Variants in KMT2D observed in about 807,000 individuals in gnomAD.
KMT2D encodes histone-lysine N-methyltransferase 2D.
A neutral mutation model predicts 512.7 loss-of-function variants in KMT2D; 55 were observed. The observed-to-expected ratio is 0.11, with a 90% CI of 0.09 to 0.13. The LOEUF (loss-of-function observed/expected upper bound fraction) is 0.13. Ranked by LOEUF, KMT2D falls within the 10% of genes least tolerant of loss-of-function variation. The probability of loss-of-function intolerance (pLI) is 1.00; values close to 1 mark genes in which losing one functional copy is unlikely to be tolerated. For missense variants in KMT2D, 6,061 were observed against 7,127.9 expected (o/e 0.85, Z 5.39); for synonymous variants, 2,995 against 2,904.0 (o/e 1.03, Z -1.01).
In KMT2D at chr12:49,030,235, C is replaced by G. The variant is rs758611996; in HGVS notation, c.13999+45G>C. 5.8e-6 allele frequency: 9 copies of G among 1,541,422 alleles called. 1 individual carries two copies. The South Asian group carries it at 9.4e-5, about 16-fold the overall frequency. ...TACAGCATACTAACTGGTTTGGACT[C>G]CAGCTACCAAACTCCACCAGGGGTG... On this transcript the variant is annotated intron_variant, in intron 43 of 54. Transcript: ENST00000301067.
Position 49,041,188 on chromosome 12 carries a change from G to A in KMT2D, c.6582C>T (p.Pro2194=). Residue 2194 remains proline (P), a synonymous_variant, in exon 32 of 55, where the codon CCC becomes CCT. Coordinates refer to ENST00000301067, the MANE Select transcript of KMT2D (RefSeq NM_003482.4). The surrounding 1 kb of genome is among the most constrained non-coding windows in gnomAD (Gnocchi z 5.4). ...PLEPRFPTAP[P]TYPPYPSPTG... is the part of the protein sequence containing the mutation. The stretch of plus-strand genomic sequence containing the variant: ...TAGGACTAGGATAGGGGGGATAGGT[G>A]GGCGGTGCCGTGGGGAAGCGGGGCT... 6.6e-7 allele frequency: 1 copy of A among 1,515,880 alleles called. No homozygotes were observed. The highest frequency in any genetic ancestry group is 8.8e-7 in the Non-Finnish European group (1 of 1,134,510). The allele number at this position is 1,515,880 out of a possible 1,614,324, so 93.9% of individuals were successfully genotyped here. A position where few individuals can be genotyped will look rare whatever the true frequency, so the allele number is the denominator to read the frequency against.
intron 19 of KMT2D, 127 bp from the exon 20 acceptor site, chr12:49,045,092 C>T: frequency 1.2e-6 from 1 of 852,774 alleles, no homozygotes; most frequent in Non-Finnish European, 1.9e-6. Context: ...GGTCTAAATG[C>T]TGAGGAGAAC....
intron 1 of KMT2D, among the ~76,000 whole-genome samples, chr12:49,058,217 C>T (rs1938527156): frequency 6.6e-6 from 1 of 152,120 alleles, no homozygotes; most frequent in Non-Finnish European, 1.5e-5. Context: ...CCTGGCTCAT[C>T]CTGAGAGCAG....
rs201336660 is a variant in KMT2D at position 49,039,515 on chromosome 12, G to A, written c.8149C>T (p.Pro2717Ser). The change falls in exon 33 of 55, where the codon CCA becomes TCA. Residue 2717 changes from proline to serine, a missense_variant. This residue lies in a region of KMT2D where 527 missense variants were observed against 578.9 expected (regional missense o/e 0.91). Transcript: ENST00000301067. The surrounding 1 kb of genome is among the most constrained non-coding windows in gnomAD (Gnocchi z 5.0). ...CTGGGCTCAGCACCCCAGCTGCCTGGAGGCCCCACTGCTCCTGCAGCTGCT... is the reference window on the plus strand; with the variant it reads ...CTGGGCTCAGCACCCCAGCTGCCTGAAGGCCCCACTGCTCCTGCAGCTGCT... ...AAAAAGAVGP[P>S]GSWGAEPSSP... The A allele has an allele frequency of 2.7e-4, 436 of 1,612,222 alleles. No individual in the cohort carries two copies. The African/African-American group carries it at 5.1e-3, about 19-fold the overall frequency.
rs2120403338 is a variant in KMT2D, at chr12:49,030,384, GGGGGT to G, written c.13890_13894del (p.Pro4631IlefsTer14). 2.0e-5 allele frequency: 32 copies of G among 1,597,828 alleles called. No homozygotes were observed. Among genetic ancestry groups the G allele is most frequent in the Non-Finnish European group, 2.6e-5 (30 of 1,170,184 alleles). ...ATTCACCATCTTCTGCTGCACCGAT[GGGGGT>G]GGGGTGGGGGGCAGCGACGAGGGTG... is the stretch of plus-strand genomic sequence containing the variant. On this transcript the variant is annotated frameshift_variant, in exon 43 of 55. Coordinates refer to ENST00000301067, the MANE Select transcript of KMT2D (RefSeq NM_003482.4). LOFTEE classifies it high-confidence loss of function.
Position 49,052,049 on chromosome 12 carries a change from A to G in KMT2D, c.1634T>C (p.Leu545Pro). 1 of 1,612,240 alleles carries G rather than the reference A, an allele frequency of 6.2e-7. No individual in the cohort carries two copies. The highest frequency in any genetic ancestry group is 8.5e-7 in the Non-Finnish European group (1 of 1,179,394). The change falls in exon 11 of 55, where the codon CTG (leucine) becomes CCG (proline). Residue 545 changes from leucine (L) to proline (P), a missense_variant. Leu to Pro is a moderately conservative substitution (Grantham distance 98). This residue lies in a region of KMT2D where 848 missense variants were observed against 838.5 expected (regional missense o/e 1.01). Coordinates refer to ENST00000301067, the MANE Select transcript of KMT2D (RefSeq NM_003482.4). ...AGGAGATTCTTCAAATGGTGGGGAC[A>G]GGGGCGATGCTTCAGGTGGTGGGGA... ...PLSPPPEASP[L>P]SPPFEESPLS...
Position 49,054,246 on chromosome 12 carries a change from T to C in KMT2D, c.510+61A>G, listed in dbSNP as rs1938263955. On this transcript the variant is annotated intron_variant, in intron 5 of 54. Coordinates refer to ENST00000301067, the MANE Select transcript of KMT2D (RefSeq NM_003482.4). The surrounding 1 kb of genome is among the most constrained non-coding windows in gnomAD (Gnocchi z 6.4). ...ACCCATGGTCCTTCTCATTCCAACC[T>C]GACTCTCAGAAGCCCACCAGCCCTG... The C allele has an allele frequency of 1.3e-6, 2 of 1,539,264 alleles. No individual in the cohort carries two copies. Among genetic ancestry groups the C allele is most frequent in the Middle Eastern group, 2.0e-4 (1 of 5,128 alleles).
At position 49,054,638 on chromosome 12, in the gene KMT2D, A is replaced by G. The variant is rs1432323879; in HGVS notation, c.290T>C (p.Val97Ala). ...GGGCCCTGGGCTCCCCCCAGGGGAC[A>G]CCACTGGACACCGGGGCCAATCAAA... ...LPFDWPRCPVVSPGGSPGPNE... is the reference protein window; with the variant it reads ...LPFDWPRCPVASPGGSPGPNE... The change falls in exon 4 of 55, where the codon GTG becomes GCG. Residue 97 changes from valine to alanine, a missense_variant. Val to Ala is a moderately conservative substitution (Grantham distance 64). Around this residue, in one of 16 missense-constraint regions of KMT2D, gnomAD observed 144 missense variants for 165.7 expected, o/e 0.87. Coordinates refer to ENST00000301067, the MANE Select transcript of KMT2D (RefSeq NM_003482.4). The surrounding 1 kb of genome is among the most constrained non-coding windows in gnomAD (Gnocchi z 6.4). 1.9e-6 allele frequency: 3 copies of G among 1,613,008 alleles called. No homozygotes were observed.
chr12:49,042,579 G>A lies in KMT2D; in HGVS notation c.5849C>T (p.Ser1950Phe), dbSNP rs1943592771. Residue 1950 changes from serine (S) to phenylalanine (F), a missense_variant, in exon 28 of 55, where the codon TCC (serine) becomes TTC (phenylalanine). Physicochemically the swap from Ser to Phe is radical, Grantham distance 155. Transcript: ENST00000301067. This position sits in a 1 kb window ranked among gnomAD's most constrained non-coding sequence, Gnocchi z 4.4. ...CACCAACCTAGAATCCAGGAACGGGGACTGGCAGAGGCCTGGGTAGGAGTC... is the reference window on the plus strand; with the variant it reads ...CACCAACCTAGAATCCAGGAACGGGAACTGGCAGAGGCCTGGGTAGGAGTC... ...PMDSYPGLCQ[S>F]PFLDSRERGG... is the part of the protein sequence containing the mutation. The A allele has an allele frequency of 6.2e-7, 1 of 1,613,822 alleles. No individual in the cohort carries two copies. The highest frequency in any genetic ancestry group is 8.5e-7 in the Non-Finnish European group (1 of 1,179,786).
intron 6 of KMT2D, 29 bp from the exon 7 acceptor site, chr12:49,053,670 G>A (rs1460464454): frequency 6.4e-7 from 1 of 1,572,238 alleles, no homozygotes; most frequent in Non-Finnish European, 8.6e-7. Flanking sequence ...CCACAGGTCA[G>A]CTATGGATTC....
chr12:49,027,010 G>A lies in KMT2D; in HGVS notation c.14956C>T (p.Arg4986Cys), dbSNP rs765693458. The change falls in exon 49 of 55, where the codon CGC becomes TGC. Residue 4986 changes from arginine (R) to cysteine (C), a missense_variant. Physicochemically the swap from Arg to Cys is radical, Grantham distance 180. Transcript: ENST00000301067. ...AGCAGCAGCCGAAGCCGCTTCCAGC[G>A]CACTCCTTTCCATTTCTTGAGGCGA... ...PPRLKKWKGV[R>C]WKRLRLLLTI... 15 of 1,613,910 alleles carry A rather than the reference G, an allele frequency of 9.3e-6. No homozygotes were observed. The highest frequency in any genetic ancestry group is 1.3e-5 in the Non-Finnish European group (15 of 1,179,904).
At position 49,026,698 on chromosome 12, in the gene KMT2D, T is replaced by TGGCATAATCGTAGTATAATACTTACCTCA; in HGVS notation, c.15267_15268insTGAGGTAAGTATTATACTACGATTATGCC (p.Thr5090Ter). 6.2e-7 allele frequency: 1 copy of TGGCATAATCGTAGTATAATACTTACCTCA among 1,613,984 alleles called. No homozygotes were observed. ...GTTCGCTGGCACAGGGAGCACTTGG[T>TGGCATAATCGTAGTATAATACTTACCTCA]TAGCAGTCCTCGGTGCAGGGCAACC... is the stretch of plus-strand genomic sequence containing the variant. On this transcript the variant is annotated stop_gained and frameshift_variant, in exon 49 of 55. Coordinates refer to ENST00000301067, the MANE Select transcript of KMT2D (RefSeq NM_003482.4). LOFTEE classifies it high-confidence loss of function. The surrounding 1 kb of genome is among the most constrained non-coding windows in gnomAD (Gnocchi z 9.6).
At chr12:49,029,347 G>A (rs2120396903) in intron 44 of KMT2D, 54 bp downstream of exon 44, 6 of 1,564,676 alleles carry the variant, frequency 3.8e-6, no homozygotes, top group Admixed American at 1.9e-5. Context: ...GGAAATATGA[G>A]GCAACCTGTA....
chr12:49,051,371 G>A lies in KMT2D; in HGVS notation c.2312C>T (p.Ser771Phe), dbSNP rs1054933572. 3.1e-6 allele frequency: 5 copies of A among 1,610,570 alleles called. No homozygotes were observed. The African/African-American group carries it at 4.0e-5, about 13-fold the overall frequency. ...TAGGCATGGCTCCTCAGGCTGGGGG[G>A]ACAGGTGTGGCTCCTCAGCCTGCGG... Reference protein sequence around the residue: ...LSPQAEEPHLSPQPEEPCLCA... With the variant: ...LSPQAEEPHLFPQPEEPCLCA... Residue 771 changes from serine to phenylalanine, a missense_variant, in exon 11 of 55, where the codon TCC becomes TTC. By Grantham distance (155) the Ser-to-Phe change is radical. Around this residue, in one of 16 missense-constraint regions of KMT2D, gnomAD observed 848 missense variants for 838.5 expected, o/e 1.01. Transcript: ENST00000301067.
chr12:49,028,679 G>A (rs893857437), intron 46 of KMT2D, 149 bp downstream of exon 46: 23 of 1,057,780 alleles, frequency 2.2e-5, no homozygotes, highest in South Asian at 1.0e-4. Context: ...TCATTTACCC[G>A]AATCTCACAG....
At position 49,043,205 on chromosome 12, in the gene KMT2D, A is replaced by T. The variant is rs775491684; in HGVS notation, c.5534-19T>A. 5 of 1,607,868 alleles carry T rather than the reference A, an allele frequency of 3.1e-6. No homozygotes were observed. The highest frequency in any genetic ancestry group is 4.3e-6 in the Non-Finnish European group (5 of 1,174,466). ...TCAGGTCCTGTAAATGCCAGGAGAAACCCATGGGTCAAGGCCAGGATGGGT... is the reference window on the plus strand; with the variant it reads ...TCAGGTCCTGTAAATGCCAGGAGAATCCCATGGGTCAAGGCCAGGATGGGT... On this transcript the variant is annotated intron_variant, in intron 25 of 54. Coordinates refer to ENST00000301067, the MANE Select transcript of KMT2D (RefSeq NM_003482.4).
In KMT2D at chr12:49,043,910, G is replaced by A. The variant is rs1943659986; in HGVS notation, c.5277C>T (p.Arg1759=). The change falls in exon 23 of 55, where the codon CGC becomes CGT. Residue 1759 remains arginine (R), a synonymous_variant. Coordinates refer to ENST00000301067, the MANE Select transcript of KMT2D (RefSeq NM_003482.4). ...ACATGTCCTCCAGTTTGCTCTTCTT[G>A]CGCCCTCGCCGCTGTTGCTTCTTCT... ...DEKKKQQRRG[R]KKSKLEDMFP... is the part of the protein sequence containing the mutation. 2.5e-6 allele frequency: 4 copies of A among 1,613,934 alleles called. No individual in the cohort carries two copies. In the South Asian group the frequency reaches 3.3e-5, roughly 13 times the overall value.
Position 49,052,385 on chromosome 12 carries a change from G to A in KMT2D, c.1298C>T (p.Pro433Leu), listed in dbSNP as rs759548512. ...GVQLEPQLEA[P>L]LNEEMPLLPP... The stretch of plus-strand genomic sequence containing the variant: ...CAGCAGTGGCATCTCCTCGTTTAGG[G>A]GGGCCTCCAACTGGGGCTCAAGTTG... The change falls in exon 11 of 55, where the codon CCC becomes CTC. Residue 433 changes from proline to leucine, a missense_variant. This residue lies in a region of KMT2D where 848 missense variants were observed against 838.5 expected (regional missense o/e 1.01). Coordinates refer to ENST00000301067, the MANE Select transcript of KMT2D (RefSeq NM_003482.4). The A allele has an allele frequency of 1.6e-5, 25 of 1,542,276 alleles. No homozygotes were observed. Among genetic ancestry groups the A allele is most frequent in the African/African-American group, 5.5e-5 (4 of 72,768 alleles).
rs1467269407 is a variant in KMT2D, at chr12:49,044,050, A to C, written c.5189-52T>G. On this transcript the variant is annotated intron_variant, in intron 22 of 54. Transcript: ENST00000301067. This position sits in a 1 kb window ranked among gnomAD's most constrained non-coding sequence, Gnocchi z 6.4. ...TCGGGTTGAGAGCATGCTGCTCCCAACTTGCAGGGTGACACTTTGTGCCTA... is the reference window on the plus strand; with the variant it reads ...TCGGGTTGAGAGCATGCTGCTCCCACCTTGCAGGGTGACACTTTGTGCCTA... The C allele has an allele frequency of 1.2e-6, 2 of 1,608,574 alleles. No homozygotes were observed. Among genetic ancestry groups the C allele is most frequent in the Non-Finnish European group, 1.7e-6 (2 of 1,176,666 alleles).
Sources: allele counts gnomAD v4.1 joint callset (sites outside exome capture counted in the v4.1 genomes callset), GRCh38; gene constraint gnomAD v4.1.1; regional missense constraint gnomAD v4.1.1; non-coding constraint Gnocchi (gnomAD v3.1); transcripts MANE v1.5; gene names NCBI Gene and HGNC (gene_info 2026-07-23, HGNC 2026-07-21).